The following TMTC2 variants were observed in gnomAD, a reference collection of about 807,000 sequenced individuals.
The protein encoded by TMTC2 is protein O-mannosyl-transferase TMTC2.
A neutral mutation model predicts 82.4 loss-of-function variants in TMTC2; 43 were observed. That is an observed-to-expected ratio of 0.52 (90% CI 0.41 to 0.67). The LOEUF is 0.67. Ranked by LOEUF, TMTC2 falls within the 30% of genes least tolerant of loss-of-function variation. The probability of loss-of-function intolerance (pLI) is 0.00; values close to 1 mark genes in which losing one functional copy is unlikely to be tolerated. For missense variants in TMTC2, 919 were observed against 1,012.4 expected (o/e 0.91, Z 1.25); for synonymous variants, 408 against 381.9 (o/e 1.07, Z -0.80).
chr12:82,781,160 A>G (rs971508107), intron 1 of TMTC2, among the ~76,000 whole-genome samples: 3 of 152,090 alleles, frequency 2.0e-5, no homozygotes, highest in African/African-American at 7.2e-5. Flanking sequence ...AAACAAGACA[A>G]CAAACAAAAT....
chr12:82,761,812 T>A (rs532590866), intron 1 of TMTC2, among the ~76,000 whole-genome samples: 1 of 152,280 alleles, frequency 6.6e-6, no homozygotes, highest in African/African-American at 2.4e-5. Flanking sequence ...AAATCTCATC[T>A]TCTTACAGCC....
chr12:82,924,324 C>T (rs1224950455), intron 3 of TMTC2, among the ~76,000 whole-genome samples: 1 of 152,086 alleles, frequency 6.6e-6, no homozygotes, highest in African/African-American at 2.4e-5. Context: ...AATTCTATGT[C>T]TGGATAAAAA....
chr12:82,716,313 C>T (rs1873893178), intron 1 of TMTC2, among the ~76,000 whole-genome samples: 1 of 150,666 alleles, frequency 6.6e-6, no homozygotes, highest in Non-Finnish European at 1.5e-5. Flanking sequence ...TCAGTGGACA[C>T]TTGTTAAGAG....
At chr12:82,696,038 G>A in intron 1 of TMTC2, among the ~76,000 whole-genome samples, 1 of 152,196 alleles carries the variant, frequency 6.6e-6, no homozygotes, top group Non-Finnish European at 1.5e-5. Context: ...TTTAGAACAA[G>A]TTCCTCCTCT....
chr12:82,770,734 T>C (rs901193183), intron 1 of TMTC2, among the ~76,000 whole-genome samples: 8 of 152,150 alleles, frequency 5.3e-5, no homozygotes, highest in African/African-American at 1.7e-4. Context: ...TAGTCCTCCT[T>C]CTTCAGCCTC....
intron 1 of TMTC2, among the ~76,000 whole-genome samples, chr12:82,828,680 G>A (rs1349788063): frequency 6.6e-6 from 1 of 151,996 alleles, no homozygotes; most frequent in East Asian, 1.9e-4. Flanking sequence ...TAAATTAATT[G>A]GGGCATACTG....
At chr12:82,970,400 C>T (rs576353704) in intron 7 of TMTC2, among the ~76,000 whole-genome samples, 2 of 152,328 alleles carry the variant, frequency 1.3e-5, no homozygotes, top group East Asian at 3.9e-4. Flanking sequence ...GGCGCAATCT[C>T]GCCTCACTGC....
chr12:83,131,092 G>A (rs1020587456), intron 11 of TMTC2, among the ~76,000 whole-genome samples: 3 of 152,084 alleles, frequency 2.0e-5, no homozygotes, highest in African/African-American at 7.2e-5. Context: ...TTGTGATTTC[G>A]GACTTTAACA....
rs148177283 is a variant in TMTC2, at chr12:82,902,877, A to C, written c.1483+6231A>C. 6.5e-3 allele frequency among the ~76,000 whole-genome samples: 992 copies of C among 152,348 alleles called. 10 individuals are homozygous for C. The highest frequency in any genetic ancestry group is 0.016 in the Admixed American group (242 of 15,308). On this transcript the variant is annotated intron_variant, in intron 3 of 11. Coordinates refer to ENST00000321196, the MANE Select transcript of TMTC2 (RefSeq NM_152588.3). ...GGAATCTAAAATAAAAGCTGAAAAA[A>C]TAAAAATAAATAAAATTAGAACAGT...
At chr12:82,987,240 A>C (rs1271006855) in intron 8 of TMTC2, among the ~76,000 whole-genome samples, 1 of 152,026 alleles carries the variant, frequency 6.6e-6, no homozygotes, top group Non-Finnish European at 1.5e-5. Flanking sequence ...CCTGGCCAAC[A>C]CGGCGAAACT....
At chr12:82,877,887 T>C (rs115661724) in intron 2 of TMTC2, among the ~76,000 whole-genome samples, 3,961 of 152,140 alleles carry the variant, frequency 0.026, 181 homozygotes, top group African/African-American at 0.09. Context: ...CGACATGAAA[T>C]GTGTAAGTTA....
intron 11 of TMTC2, among the ~76,000 whole-genome samples, chr12:83,063,964 G>A (rs76788086): frequency 0.065 from 9,781 of 151,446 alleles, 1,045 homozygotes; most frequent in African/African-American, 0.23. Context: ...AGTATTTCTA[G>A]GAAAAGGGTT....
intron 1 of TMTC2, among the ~76,000 whole-genome samples, chr12:82,836,224 A>G (rs1302670021): frequency 6.6e-6 from 1 of 152,216 alleles, no homozygotes; most frequent in Non-Finnish European, 1.5e-5. Flanking sequence ...TAGCTAAGTG[A>G]GACACTTAGT....
intron 2 of TMTC2, among the ~76,000 whole-genome samples, chr12:82,870,761 C>T (rs1397749079): frequency 6.6e-6 from 1 of 152,086 alleles, no homozygotes; most frequent in African/African-American, 2.4e-5. Flanking sequence ...TGCTGGCAAC[C>T]CTAATGTAAA....
chr12:82,888,493 G>C (rs1873219958), intron 2 of TMTC2, among the ~76,000 whole-genome samples: 1 of 152,172 alleles, frequency 6.6e-6, no homozygotes, highest in Non-Finnish European at 1.5e-5. Context: ...TCGCTATGTT[G>C]TCAAGGCTGA....
chr12:82,887,035 C>G (rs1366786866), intron 2 of TMTC2, among the ~76,000 whole-genome samples: 1 of 152,138 alleles, frequency 6.6e-6, no homozygotes, highest in Non-Finnish European at 1.5e-5. Flanking sequence ...AGCCTTTTCT[C>G]TGTCTTATAA....
At chr12:82,704,363 T>G (rs1329756477) in intron 1 of TMTC2, among the ~76,000 whole-genome samples, 3 of 152,190 alleles carry the variant, frequency 2.0e-5, no homozygotes, top group Non-Finnish European at 1.5e-5. Flanking sequence ...GAGTAAAAAT[T>G]TAAACATAAA....
At chr12:83,111,798 A>G (rs1452065199) in intron 11 of TMTC2, among the ~76,000 whole-genome samples, 2 of 152,200 alleles carry the variant, frequency 1.3e-5, no homozygotes, top group Non-Finnish European at 2.9e-5. Context: ...AGGAAAAATT[A>G]AGAATATTGG....
intron 2 of TMTC2, among the ~76,000 whole-genome samples, chr12:82,890,007 TATTA>T (rs1334384639): frequency 6.6e-6 from 1 of 152,182 alleles, no homozygotes; most frequent in East Asian, 1.9e-4. Flanking sequence ...TGATACAAAC[TATTA>T]ATTTTATTGT....
Sources: allele counts gnomAD v4.1 joint callset (sites outside exome capture counted in the v4.1 genomes callset), GRCh38; gene constraint gnomAD v4.1.1; transcripts MANE v1.5; gene names NCBI Gene and HGNC (gene_info 2026-07-23, HGNC 2026-07-21).